Variants in ABL2 observed in about 807,000 individuals in gnomAD.
ABL2 encodes ABL proto-oncogene 2, non-receptor tyrosine kinase.
A neutral mutation model predicts 107.7 loss-of-function variants in ABL2; 49 were observed. That is an observed-to-expected ratio of 0.45 (90% CI 0.36 to 0.58). The LOEUF is 0.58. ABL2 is among the 20% of genes least tolerant of loss of function. The pLI, the probability that ABL2 is intolerant of heterozygous loss-of-function variation, is 0.00. For synonymous variants in ABL2, 549 were observed against 548.6 expected (o/e 1.00, Z -0.01); for missense variants, 1,245 against 1,457.0 (o/e 0.85, Z 2.37).
chr1:179,107,733 A>C lies in ABL2; in HGVS notation c.3534T>G (p.Asp1178Glu), dbSNP rs1653567199. The change falls in exon 12 of 12, where the codon GAT (aspartate) becomes GAG (glutamate). Residue 1178 changes from aspartate to glutamate, a missense_variant. Around this residue, in one of 3 missense-constraint regions of ABL2, gnomAD observed 761 missense variants for 766.4 expected, o/e 0.99. Coordinates refer to ENST00000502732, the MANE Select transcript of ABL2 (RefSeq NM_007314.4). ...NLLSCVQEIS[D>E]VVQR ...CTAACAGTGGCTACCTCTGCACCAC[A>C]TCACTGATTTCCTGTACACATGACA... The C allele has an allele frequency of 6.2e-7, 1 of 1,609,488 alleles. No individual in the cohort carries two copies. Among genetic ancestry groups the C allele is most frequent in the African/African-American group, 1.3e-5 (1 of 74,882 alleles).
intron 11 of ABL2, 48 bp from the exon 12 acceptor site, chr1:179,109,489 T>C (rs1204479960): frequency 3.2e-6 from 5 of 1,554,490 alleles, no homozygotes; most frequent in Non-Finnish European, 4.3e-6. Flanking sequence ...GAAGTGAATC[T>C]ATTACATTTG....
chr1:179,192,211 T>C (rs1374554609), intron 1 of ABL2, among the ~76,000 whole-genome samples: 1 of 152,182 alleles, frequency 6.6e-6, no homozygotes, highest in East Asian at 1.9e-4. Context: ...CTACCAAAGG[T>C]AGATATGGCT....
At chr1:179,207,854 C>A (rs1253728443) in intron 1 of ABL2, among the ~76,000 whole-genome samples, 2 of 152,172 alleles carry the variant, frequency 1.3e-5, no homozygotes, top group African/African-American at 4.8e-5. Flanking sequence ...ATGATTACAT[C>A]TCTGACTGAT....
chr1:179,144,775 G>A lies in ABL2; in HGVS notation c.158-11401C>T, dbSNP rs1027646921. ...TTTCAACATCAAGGGACAAATAAAA[G>A]AGTTAGATGACTAAAGGTTACCACA... is the stretch of plus-strand genomic sequence containing the variant. On this transcript the variant is annotated intron_variant, in intron 1 of 11. Coordinates refer to ENST00000502732, the MANE Select transcript of ABL2 (RefSeq NM_007314.4). Among the ~76,000 whole-genome samples, 32 of 152,086 alleles carry A rather than the reference G, an allele frequency of 2.1e-4. 1 individual carries two copies. Among genetic ancestry groups the A allele is most frequent in the African/African-American group, 6.5e-4 (27 of 41,396 alleles).
intron 1 of ABL2, among the ~76,000 whole-genome samples, chr1:179,215,384 G>C (rs1662506233): frequency 6.6e-6 from 1 of 152,090 alleles, no homozygotes; most frequent in African/African-American, 2.4e-5. Context: ...TAGTCTATAT[G>C]CTTCTGAATT....
intron 1 of ABL2, among the ~76,000 whole-genome samples, chr1:179,216,069 G>A (rs759884383): frequency 3.1e-4 from 47 of 152,156 alleles, no homozygotes; most frequent in Non-Finnish European, 5.9e-4. Flanking sequence ...AAGCAAACCC[G>A]AGAATACAAA....
At chr1:179,146,628 G>A (rs1033286245) in intron 1 of ABL2, among the ~76,000 whole-genome samples, 4 of 152,014 alleles carry the variant, frequency 2.6e-5, no homozygotes, top group South Asian at 2.1e-4. Context: ...AGGATCAGGC[G>A]GAGATAATCG....
At chr1:179,204,704 G>A (rs1017064573) in intron 1 of ABL2, among the ~76,000 whole-genome samples, 2 of 151,916 alleles carry the variant, frequency 1.3e-5, no homozygotes, top group East Asian at 2.0e-4. Flanking sequence ...CCAAGATCAC[G>A]CCACTGCACT....
At chr1:179,192,178 A>G (rs982585506) in intron 1 of ABL2, among the ~76,000 whole-genome samples, 2 of 152,164 alleles carry the variant, frequency 1.3e-5, no homozygotes, top group Non-Finnish European at 2.9e-5. Flanking sequence ...AAAACAATCC[A>G]CAGGAATACC....
intron 1 of ABL2, among the ~76,000 whole-genome samples, chr1:179,135,549 G>A (rs1408757252): frequency 8.6e-5 from 13 of 151,668 alleles, no homozygotes; most frequent in Non-Finnish European, 1.2e-4. Context: ...CACCCCGTCT[G>A]GGAAGTGAGG....
At chr1:179,148,492 C>T (rs143252579) in intron 1 of ABL2, among the ~76,000 whole-genome samples, 55 of 152,186 alleles carry the variant, frequency 3.6e-4, no homozygotes, top group African/African-American at 1.2e-3. Flanking sequence ...TGTTTTGGGG[C>T]GCCACAAACT....
At chr1:179,133,279 A>C (rs1311657701) in intron 2 of ABL2, 33 bp downstream of exon 2, 1 of 1,613,604 alleles carries the variant, frequency 6.2e-7, no homozygotes, top group African/African-American at 1.3e-5. Context: ...CCAATGCCTT[A>C]GTTCAAATCT....
At chr1:179,117,165 C>T (rs960119015) in intron 8 of ABL2, 167 bp downstream of exon 8, 4 of 723,712 alleles carry the variant, frequency 5.5e-6, no homozygotes, top group South Asian at 3.7e-5. Flanking sequence ...GTTCTTAACA[C>T]AGTCCTGGCA....
intron 1 of ABL2, among the ~76,000 whole-genome samples, chr1:179,228,356 A>C (rs577941704): frequency 2.0e-5 from 3 of 152,230 alleles, no homozygotes; most frequent in African/African-American, 7.2e-5. Context: ...CAAAAAAAAC[A>C]AAAACAAAAA....
At chr1:179,158,541 G>A (rs1301226557) in intron 1 of ABL2, among the ~76,000 whole-genome samples, 3 of 152,170 alleles carry the variant, frequency 2.0e-5, no homozygotes, top group African/African-American at 7.2e-5. Context: ...CCACCTGATT[G>A]TCTTTCTGCA....
At position 179,110,294 on chromosome 1, in the gene ABL2, T is replaced by G. The variant is rs751475411; in HGVS notation, c.1813A>C (p.Ser605Arg). The G allele has an allele frequency of 1.9e-6, 3 of 1,614,194 alleles. No individual in the cohort carries two copies. Among genetic ancestry groups the G allele is most frequent in the Non-Finnish European group, 2.5e-6 (3 of 1,180,020 alleles). The change falls in exon 11 of 12, where the codon AGT (serine) becomes CGT (arginine). Residue 605 changes from serine to arginine, a missense_variant. Transcript: ENST00000502732. ...AQDATENSAS[S>R]LAPGFIRGAQ... ...AAGGGACCCATACCTGGTGCTAAAC[T>G]GGAAGCAGAATTTTCTGTGGCATCT...
intron 1 of ABL2, among the ~76,000 whole-genome samples, chr1:179,143,777 A>G (rs1157649428): frequency 5.3e-5 from 8 of 152,152 alleles, no homozygotes; most frequent in Non-Finnish European, 1.2e-4. Context: ...GCTCACTGCA[A>G]CCTCTACCTC....
chr1:179,224,742 G>A (rs905348205), intron 1 of ABL2, among the ~76,000 whole-genome samples: 5 of 151,326 alleles, frequency 3.3e-5, no homozygotes, highest in Non-Finnish European at 2.9e-5. Context: ...CTTGCCTCTC[G>A]CAGTGGCTCA....
At chr1:179,147,056 T>A (rs1482852434) in intron 1 of ABL2, among the ~76,000 whole-genome samples, 2 of 151,050 alleles carry the variant, frequency 1.3e-5, no homozygotes, top group African/African-American at 4.9e-5. Flanking sequence ...AGCCAGACCC[T>A]GTCTTTAAAA....
Sources: allele counts gnomAD v4.1 joint callset (sites outside exome capture counted in the v4.1 genomes callset), GRCh38; gene constraint gnomAD v4.1.1; regional missense constraint gnomAD v4.1.1; transcripts MANE v1.5; gene names NCBI Gene and HGNC (gene_info 2026-07-23, HGNC 2026-07-21).